AAK1: variants seen among roughly 807,000 people sequenced by gnomAD.
AAK1 encodes the protein AP2 associated kinase 1, also known as AP2-associated protein kinase 1.
AAK1 carries 37 observed loss-of-function variants against 116.0 expected under a neutral mutation model. The ratio of observed to expected loss-of-function variants is 0.32; its 90% CI spans 0.25 to 0.42. The LOEUF (loss-of-function observed/expected upper bound fraction) is 0.42, where lower values mean the gene tolerates loss of function less well. Ranked by LOEUF, AAK1 falls within the 10% of genes least tolerant of loss-of-function variation. AAK1 has a pLI of 1.00. For missense variants in AAK1, 919 were observed against 1,170.6 expected (o/e 0.79, Z 3.14); for synonymous variants, 458 against 439.9 (o/e 1.04, Z -0.51).
chr2:69,490,707 A>G (rs1401373614), intron 17 of AAK1, among the ~76,000 whole-genome samples: 1 of 152,088 alleles, frequency 6.6e-6, no homozygotes, highest in Non-Finnish European at 1.5e-5. Flanking sequence ...TTTCAGTTTC[A>G]CAAGTTGAAA....
intron 2 of AAK1, among the ~76,000 whole-genome samples, chr2:69,634,048 T>C (rs1012911496): frequency 1.3e-5 from 2 of 152,038 alleles, no homozygotes; most frequent in African/African-American, 4.8e-5. Context: ...CACATGCCTA[T>C]AGTTCCAGCT....
intron 7 of AAK1, 34 bp from the exon 8 acceptor site, chr2:69,530,174 G>T (rs1480466285): frequency 1.3e-6 from 2 of 1,584,648 alleles, no homozygotes; most frequent in African/African-American, 1.4e-5. Flanking sequence ...GCTACTAGTG[G>T]CTTATTTATC....
At chr2:69,485,698 C>T (rs185099981) in intron 17 of AAK1, among the ~76,000 whole-genome samples, 6 of 145,198 alleles carry the variant, frequency 4.1e-5, no homozygotes, top group African/African-American at 1.0e-4. Context: ...TCGCTCTTGT[C>T]GCCCAGGCTG....
Position 69,460,357 on chromosome 2 carries a change from T to C in AAK1, c.*15512A>G, listed in dbSNP as rs1674309775. 1 of 152,668 alleles carries C rather than the reference T, an allele frequency of 6.6e-6. No homozygotes were observed. The highest frequency in any genetic ancestry group is 1.5e-5 in the Non-Finnish European group (1 of 68,040). The allele number at this position is 152,668 out of a possible 1,614,324, so 9.5% of individuals were successfully genotyped here. Reference sequence around the variant, plus strand: ...TACTGCATATATATTATATCTGATATATGTTTTGATTATTTTTCTTTATGG... The same window carrying C: ...TACTGCATATATATTATATCTGATACATGTTTTGATTATTTTTCTTTATGG... On this transcript the variant is annotated 3_prime_UTR_variant, in exon 22 of 22. Transcript: ENST00000409085.
At chr2:69,556,835 TCC>T in intron 3 of AAK1, 23 bp downstream of exon 3, 1 of 1,565,214 alleles carries the variant, frequency 6.4e-7, no homozygotes, top group Non-Finnish European at 8.8e-7. Flanking sequence ...TTTTAAACAG[TCC>T]CAAGTCCAAG....
At chr2:69,479,360 A>C (rs572515576) in intron 19 of AAK1, among the ~76,000 whole-genome samples, 41 of 152,296 alleles carry the variant, frequency 2.7e-4, no homozygotes, top group African/African-American at 9.6e-4. Flanking sequence ...CTATAGAAAC[A>C]TGTCTTTCTA....
intron 12 of AAK1, among the ~76,000 whole-genome samples, chr2:69,516,503 C>G (rs1676587542): frequency 6.6e-6 from 1 of 151,976 alleles, no homozygotes; most frequent in South Asian, 2.1e-4. Context: ...GTATTTCTAG[C>G]ATCAAAACTG....
At chr2:69,583,876 G>A (rs1021009193) in intron 2 of AAK1, among the ~76,000 whole-genome samples, 2 of 152,116 alleles carry the variant, frequency 1.3e-5, no homozygotes, top group Non-Finnish European at 2.9e-5. Flanking sequence ...AGCACAAAAT[G>A]TCCACTTAAA....
At chr2:69,485,596 C>A (rs548372745) in intron 17 of AAK1, among the ~76,000 whole-genome samples, 7 of 152,182 alleles carry the variant, frequency 4.6e-5, no homozygotes, top group Non-Finnish European at 8.8e-5. Flanking sequence ...AGATGCCCTG[C>A]CACATCTATG....
chr2:69,486,531 A>G (rs961665782), intron 17 of AAK1, among the ~76,000 whole-genome samples: 6 of 152,128 alleles, frequency 3.9e-5, no homozygotes, highest in Non-Finnish European at 8.8e-5. Context: ...GAGTGAGAGC[A>G]CAGGCCATGT....
chr2:69,633,345 G>A (rs1203302989), intron 2 of AAK1, among the ~76,000 whole-genome samples: 1 of 152,040 alleles, frequency 6.6e-6, no homozygotes, highest in East Asian at 1.9e-4. Context: ...GCTCACGCCT[G>A]TAATCCCAGC....
At position 69,544,530 on chromosome 2, in the gene AAK1, C is replaced by A; in HGVS notation, c.297G>T (p.Gly99=). 1 of 1,612,978 alleles carries A rather than the reference C, an allele frequency of 6.2e-7. No homozygotes were observed. The highest frequency in any genetic ancestry group is 1.1e-5 in the South Asian group (1 of 91,038). The change falls in exon 4 of 22, where the codon GGG becomes GGT. Residue 99 remains glycine (G), a synonymous_variant. Transcript: ENST00000409085. The part of the protein sequence containing the change: ...REIQIMRDLS[G]HKNIVGYIDS... The stretch of plus-strand genomic sequence containing the variant: ...CAATGTAACCCACAATATTCTTGTG[C>A]CCTGAAAGATCCCTCTGTGAACAAG...
At chr2:69,548,824 C>T (rs150734374) in intron 3 of AAK1, among the ~76,000 whole-genome samples, 2,318 of 152,082 alleles carry the variant, frequency 0.015, 56 homozygotes, top group African/African-American at 0.052. Context: ...AGGATGGTCT[C>T]GATCTCTTGA....
At chr2:69,605,410 T>A (rs1351007850) in intron 2 of AAK1, among the ~76,000 whole-genome samples, 3 of 152,242 alleles carry the variant, frequency 2.0e-5, no homozygotes, top group African/African-American at 7.2e-5. Flanking sequence ...TTGCTCTGCC[T>A]TTTCCTTCTT....
chr2:69,568,154 T>C (rs1238458486), intron 2 of AAK1, among the ~76,000 whole-genome samples: 3 of 152,146 alleles, frequency 2.0e-5, no homozygotes, highest in Non-Finnish European at 4.4e-5. Flanking sequence ...GGACACCATA[T>C]GTTAGTGGAT....
At chr2:69,544,842 CAA>C (rs552343232) in intron 3 of AAK1, among the ~76,000 whole-genome samples, 36 of 152,300 alleles carry the variant, frequency 2.4e-4, no homozygotes, top group Admixed American at 2.1e-3. Context: ...AAACTAGAAG[CAA>C]AGACTCCCCT....
At chr2:69,476,037 A>G in intron 21 of AAK1, 74 bp from the exon 22 acceptor site, 1 of 1,493,704 alleles carries the variant, frequency 6.7e-7, no homozygotes, top group African/African-American at 1.4e-5. Flanking sequence ...CAAGCAAAGA[A>G]GAAAAACCAA....
At position 69,471,677 on chromosome 2, in the gene AAK1, CT is replaced by C; in HGVS notation, c.*4191del. The C allele has an allele frequency of 8.1e-6, 8 of 985,282 alleles. No homozygotes were observed. The highest frequency in any genetic ancestry group is 9.6e-6 in the Non-Finnish European group (8 of 829,886). 61.0% of individuals were successfully genotyped at this position (985,282 alleles called of 1,614,324 possible). A position where few individuals can be genotyped will look rare whatever the true frequency, so the allele number is the denominator to read the frequency against. ...GGACTCTGGGAAATCACAGAAAAAC[CT>C]TATCAAGAGAGACTTTATTTTGGCC... On this transcript the variant is annotated 3_prime_UTR_variant, in exon 22 of 22. Transcript: ENST00000409085.
intron 15 of AAK1, among the ~76,000 whole-genome samples, chr2:69,505,965 G>A (rs755369739): frequency 8.5e-5 from 13 of 152,302 alleles, no homozygotes; most frequent in Non-Finnish European, 1.6e-4. Flanking sequence ...TTAACACTAC[G>A]GAACTGCACA....
Sources: allele counts gnomAD v4.1 joint callset (sites outside exome capture counted in the v4.1 genomes callset), GRCh38; gene constraint gnomAD v4.1.1; transcripts MANE v1.5; gene names NCBI Gene and HGNC (gene_info 2026-07-23, HGNC 2026-07-21).